Variants in ADCK1 observed in about 807,000 individuals in gnomAD.
ADCK1 encodes aarF domain-containing protein kinase 1.
Under a neutral mutation model 52.3 loss-of-function variants are expected in ADCK1, and 41 were observed. The ratio of observed to expected loss-of-function variants is 0.78; its 90% CI spans 0.61 to 1.02. The LOEUF (loss-of-function observed/expected upper bound fraction) is 1.02, where lower values mean the gene tolerates loss of function less well. Among genes scored for constraint, ADCK1 ranks in the 50% least tolerant of loss-of-function variants. The pLI is 0.00. For synonymous variants in ADCK1, 250 were observed against 274.6 expected (o/e 0.91, Z 0.89); for missense variants, 658 against 679.5 (o/e 0.97, Z 0.35).
intron 5 of ADCK1, among the ~76,000 whole-genome samples, chr14:77,891,416 C>T (rs1213865128): frequency 6.6e-6 from 1 of 152,242 alleles, no homozygotes; most frequent in Non-Finnish European, 1.5e-5. Flanking sequence ...AGGAAGCTGC[C>T]TCTGCGTAGT....
At chr14:77,922,335 G>A (rs2140289170) in intron 7 of ADCK1, among the ~76,000 whole-genome samples, 1 of 152,362 alleles carries the variant, frequency 6.6e-6, no homozygotes, top group Non-Finnish European at 1.5e-5. Context: ...GACACTGAGT[G>A]CAGGGATGTC....
intron 6 of ADCK1, among the ~76,000 whole-genome samples, chr14:77,905,285 T>C (rs2083634797): frequency 6.8e-6 from 1 of 147,286 alleles, no homozygotes; most frequent in Non-Finnish European, 1.5e-5. Context: ...TGTTTCCACC[T>C]GTGACTCTTT....
intron 5 of ADCK1, 38 bp downstream of exon 5, chr14:77,887,287 C>G (rs375525942): frequency 1.8e-4 from 270 of 1,504,748 alleles, no homozygotes; most frequent in Admixed American, 6.8e-4. Context: ...TGTCCTCAGT[C>G]TACATTTCCC....
chr14:77,834,545 T>C (rs931616068), intron 3 of ADCK1, among the ~76,000 whole-genome samples: 2 of 152,238 alleles, frequency 1.3e-5, no homozygotes, highest in Non-Finnish European at 2.9e-5. Flanking sequence ...GTGATGGTGT[T>C]TGCTGCTGTG....
At chr14:77,873,418 C>A (rs555054440) in intron 4 of ADCK1, among the ~76,000 whole-genome samples, 1 of 152,314 alleles carries the variant, frequency 6.6e-6, no homozygotes, top group South Asian at 2.1e-4. Context: ...TTACCTGTGC[C>A]ACTTTGGAAG....
chr14:77,914,237 C>G (rs937470363), intron 7 of ADCK1: 1 of 211,000 alleles, frequency 4.7e-6, no homozygotes, highest in African/African-American at 2.4e-5. Context: ...TTTTGCTTAT[C>G]TCACTTTGCC....
intron 4 of ADCK1, among the ~76,000 whole-genome samples, chr14:77,871,197 G>T (rs2082769220): frequency 6.6e-6 from 1 of 152,212 alleles, no homozygotes; most frequent in African/African-American, 2.4e-5. Context: ...GGTTCAGGAA[G>T]GGGGAGGCAG....
At chr14:77,802,091 C>A (rs936506295) in intron 1 of ADCK1, among the ~76,000 whole-genome samples, 1 of 152,060 alleles carries the variant, frequency 6.6e-6, no homozygotes, top group Non-Finnish European at 1.5e-5. Context: ...ACTTTTTGCT[C>A]TCTTGGTGGG....
chr14:77,846,401 G>GTGGGTCACCC (rs1186012717), intron 3 of ADCK1, among the ~76,000 whole-genome samples: 1 of 152,172 alleles, frequency 6.6e-6, no homozygotes, highest in Non-Finnish European at 1.5e-5. Context: ...CCCTGAGGGG[G>GTGGGTCACCC]ACCCAGGGAA....
chr14:77,825,702 T>A lies in ADCK1; in HGVS notation c.219+3184T>A, dbSNP rs551843565. On this transcript the variant is annotated intron_variant, in intron 3 of 10. Coordinates refer to ENST00000238561, the MANE Select transcript of ADCK1 (RefSeq NM_020421.4). The stretch of plus-strand genomic sequence containing the variant: ...TGTCACCCAGGCTGGAGTGCAGTGG[T>A]GCGATCTCGGCTCACTGCAACCTCC... Among the ~76,000 whole-genome samples, 6 of 148,616 alleles carry A rather than the reference T, an allele frequency of 4.0e-5. No homozygotes were observed. In the East Asian group the frequency reaches 1.2e-3, roughly 29 times the overall value.
intron 9 of ADCK1, 53 bp from the exon 10 acceptor site, chr14:77,931,465 G>A: frequency 6.4e-7 from 1 of 1,566,518 alleles, no homozygotes; most frequent in Admixed American, 1.7e-5. Context: ...TGCCACCCCT[G>A]GCCCCACTGC....
intron 3 of ADCK1, among the ~76,000 whole-genome samples, chr14:77,842,623 A>G (rs947610702): frequency 6.6e-6 from 1 of 151,220 alleles, no homozygotes; most frequent in African/African-American, 2.4e-5. Context: ...CAGTGGCACA[A>G]TCTTGCAATC....
At chr14:77,908,079 T>C in intron 7 of ADCK1, 160 bp downstream of exon 7, 2 of 604,940 alleles carry the variant, frequency 3.3e-6, no homozygotes, top group Non-Finnish European at 5.8e-6. Flanking sequence ...CAAGAAAGAT[T>C]CTTTCAGGTC....
intron 1 of ADCK1, among the ~76,000 whole-genome samples, chr14:77,812,235 T>G (rs2081351309): frequency 6.6e-6 from 1 of 152,212 alleles, no homozygotes; most frequent in African/African-American, 2.4e-5. Context: ...TCCCCAGAAC[T>G]TATTCATCTT....
At chr14:77,878,113 A>G (rs566570582) in intron 4 of ADCK1, among the ~76,000 whole-genome samples, 3 of 152,304 alleles carry the variant, frequency 2.0e-5, no homozygotes, top group East Asian at 3.9e-4. Flanking sequence ...GTTACTTTCT[A>G]TCGCCTTCCC....
chr14:77,885,617 A>G (rs942617934), intron 4 of ADCK1, among the ~76,000 whole-genome samples: 1 of 152,158 alleles, frequency 6.6e-6, no homozygotes, highest in Non-Finnish European at 1.5e-5. Flanking sequence ...CTGAAGTCCA[A>G]GGAGAGGAGT....
chr14:77,830,336 G>A (rs2081818410), intron 3 of ADCK1, among the ~76,000 whole-genome samples: 3 of 150,976 alleles, frequency 2.0e-5, no homozygotes, highest in Non-Finnish European at 4.4e-5. Flanking sequence ...GTATTTTTTG[G>A]TACAGACAGG....
At chr14:77,872,878 A>G (rs1288803067) in intron 4 of ADCK1, among the ~76,000 whole-genome samples, 1 of 151,814 alleles carries the variant, frequency 6.6e-6, no homozygotes, top group African/African-American at 2.4e-5. Context: ...ATTTTGTCAT[A>G]TTGGCCAGCC....
At chr14:77,812,429 T>C (rs1227386038) in intron 1 of ADCK1, among the ~76,000 whole-genome samples, 1 of 152,196 alleles carries the variant, frequency 6.6e-6, no homozygotes, top group African/African-American at 2.4e-5. Context: ...AAATGTTCTC[T>C]AGGTTCATCC....
Sources: allele counts gnomAD v4.1 joint callset (sites outside exome capture counted in the v4.1 genomes callset), GRCh38; gene constraint gnomAD v4.1.1; transcripts MANE v1.5; gene names NCBI Gene and HGNC (gene_info 2026-07-23, HGNC 2026-07-21).